The following MACROD2 variants were observed in gnomAD, a reference collection of about 807,000 sequenced individuals.
The protein encoded by MACROD2 is ADP-ribose glycohydrolase MACROD2.
Under a neutral mutation model 70.4 loss-of-function variants are expected in MACROD2, and 36 were observed. That is an observed-to-expected ratio of 0.51 (90% CI 0.39 to 0.68). MACROD2 has a LOEUF of 0.68. Among genes scored for constraint, MACROD2 ranks in the 30% least tolerant of loss-of-function variants. MACROD2 has a pLI of 0.00. For missense variants in MACROD2, 496 were observed against 538.4 expected (o/e 0.92, Z 0.78); for synonymous variants, 172 against 178.8 (o/e 0.96, Z 0.30).
At chr20:15,578,553 C>T (rs370204300) in intron 8 of MACROD2, among the ~76,000 whole-genome samples, 4 of 22,130 alleles carry the variant, frequency 1.8e-4, no homozygotes, top group Non-Finnish European at 9.8e-4. Context: ...TGCCATATGC[C>T]AGAGACTATG....
intron 6 of MACROD2, among the ~76,000 whole-genome samples, chr20:15,307,503 G>A (rs75036735): frequency 0.044 from 6,648 of 152,066 alleles, 160 homozygotes; most frequent in South Asian, 0.099. Context: ...ACACACACAC[G>A]TATGTGTTTG....
chr20:15,147,476 C>A (rs1044075416), intron 5 of MACROD2, among the ~76,000 whole-genome samples: 3 of 150,672 alleles, frequency 2.0e-5, no homozygotes, highest in African/African-American at 7.3e-5. Flanking sequence ...TAATTATAAG[C>A]AAATAGCTAT....
At chr20:14,179,121 C>T (rs2081287292) in intron 3 of MACROD2, among the ~76,000 whole-genome samples, 1 of 152,152 alleles carries the variant, frequency 6.6e-6, no homozygotes, top group Admixed American at 6.5e-5. Flanking sequence ...AGATCATTGA[C>T]TGATATCAGA....
chr20:16,003,622 T>C (rs1568700983), intron 15 of MACROD2, among the ~76,000 whole-genome samples: 1 of 152,192 alleles, frequency 6.6e-6, no homozygotes, highest in Non-Finnish European at 1.5e-5. Context: ...TTCAGTGCCC[T>C]ATCCCTCAAG....
At chr20:15,636,849 A>G (rs965059762) in intron 8 of MACROD2, among the ~76,000 whole-genome samples, 7 of 152,044 alleles carry the variant, frequency 4.6e-5, no homozygotes, top group African/African-American at 1.7e-4. Context: ...GCAGGAGGGG[A>G]TGAGCTGTCA....
chr20:15,977,915 T>G (rs2066332678), intron 13 of MACROD2, among the ~76,000 whole-genome samples: 1 of 152,202 alleles, frequency 6.6e-6, no homozygotes, highest in South Asian at 2.1e-4. Flanking sequence ...TGGTTATGAT[T>G]CTTGAAAGCA....
intron 5 of MACROD2, chr20:14,893,125 ATTC>A (rs1192708043): frequency 2.0e-5 from 3 of 152,240 alleles, no homozygotes; most frequent in East Asian, 1.9e-4. Flanking sequence ...TGTGATAGGA[ATTC>A]TTCTTTTTTA....
chr20:15,649,099 TC>T (rs2049600558), intron 8 of MACROD2, among the ~76,000 whole-genome samples: 1 of 75,034 alleles, frequency 1.3e-5, no homozygotes, highest in Admixed American at 2.1e-4. Context: ...TTCCCTCCCC[TC>T]CCCTCCCCTT....
chr20:14,781,941 T>A (rs1248169178), intron 5 of MACROD2, among the ~76,000 whole-genome samples: 2 of 152,024 alleles, frequency 1.3e-5, no homozygotes, highest in Non-Finnish European at 2.9e-5. Flanking sequence ...TTCCTTTTTT[T>A]TTGAGACAGA....
At chr20:15,573,325 C>G (rs1400096211) in intron 8 of MACROD2, among the ~76,000 whole-genome samples, 1 of 152,034 alleles carries the variant, frequency 6.6e-6, no homozygotes, top group East Asian at 1.9e-4. Context: ...TATTGTTTTG[C>G]TTTTTCCCCT....
intron 4 of MACROD2, among the ~76,000 whole-genome samples, chr20:14,516,078 T>C (rs1431193306): frequency 6.7e-6 from 1 of 149,420 alleles, no homozygotes; most frequent in Non-Finnish European, 1.5e-5. Context: ...CTCAAATAAA[T>C]AAATAAATAA....
chr20:15,030,648 A>G (rs2075267284), intron 5 of MACROD2, among the ~76,000 whole-genome samples: 1 of 148,490 alleles, frequency 6.7e-6, no homozygotes. Context: ...AGCTAAGGAT[A>G]AAATATAGAT....
chr20:15,734,410 A>G (rs1568999104), intron 8 of MACROD2, among the ~76,000 whole-genome samples: 3 of 152,180 alleles, frequency 2.0e-5, no homozygotes. Context: ...GAGGTATGTA[A>G]AGGAACTGAG....
intron 8 of MACROD2, among the ~76,000 whole-genome samples, chr20:15,620,980 A>C (rs1276323380): frequency 6.6e-6 from 1 of 152,116 alleles, no homozygotes; most frequent in African/African-American, 2.4e-5. Flanking sequence ...ACAGAAAAAA[A>C]GTTTTGTGGA....
At position 14,326,166 on chromosome 20, in the gene MACROD2, CG is replaced by C; in HGVS notation, c.272-167310del. On this transcript the variant is annotated intron_variant, in intron 3 of 17. Transcript: ENST00000684519. The surrounding 1 kb of genome is among the most constrained non-coding windows in gnomAD (Gnocchi z 5.5). ...TTGTTTCTGTTATAGATCCAAATGC[CG>C]GGCTATGGCCCAGTTTAAGCCAGCT... is the stretch of plus-strand genomic sequence containing the variant. 1 of 1,613,810 alleles carries C rather than the reference CG, an allele frequency of 6.2e-7. No homozygotes were observed. The highest frequency in any genetic ancestry group is 8.5e-7 in the Non-Finnish European group (1 of 1,179,844).
At position 15,678,933 on chromosome 20, in the gene MACROD2, G is replaced by A. The variant is rs372343087; in HGVS notation, c.645+179086G>A. On this transcript the variant is annotated intron_variant, in intron 8 of 17. Coordinates refer to ENST00000684519, the MANE Select transcript of MACROD2 (RefSeq NM_001351661.2). ...CTTCCAAAGTGAGGTCATTGAATGT[G>A]GAGTTGAAAAGAGATTGCACAGGCT... Among the ~76,000 whole-genome samples the A allele has an allele frequency of 3.3e-4, 50 of 152,286 alleles. No individual in the cohort carries two copies. The South Asian group carries it at 9.9e-3, about 30-fold the overall frequency.
intron 5 of MACROD2, among the ~76,000 whole-genome samples, chr20:14,914,421 A>G (rs2074065619): frequency 6.6e-6 from 1 of 152,190 alleles, no homozygotes; most frequent in African/African-American, 2.4e-5. Context: ...AGAACTCTAG[A>G]TCATAGTGGC....
intron 3 of MACROD2, among the ~76,000 whole-genome samples, chr20:14,126,809 G>T (rs2054656737): frequency 6.6e-6 from 1 of 152,104 alleles, no homozygotes; most frequent in South Asian, 2.1e-4. Flanking sequence ...CGCACCCATA[G>T]AAGACAGTGA....
intron 3 of MACROD2, among the ~76,000 whole-genome samples, chr20:14,183,254 C>T (rs1272007286): frequency 1.3e-5 from 2 of 151,730 alleles, no homozygotes; most frequent in East Asian, 3.9e-4. Context: ...TCATTTAGCT[C>T]TCACTTATAA....
Sources: allele counts gnomAD v4.1 joint callset (sites outside exome capture counted in the v4.1 genomes callset), GRCh38; gene constraint gnomAD v4.1.1; non-coding constraint Gnocchi (gnomAD v3.1); transcripts MANE v1.5; gene names NCBI Gene and HGNC (gene_info 2026-07-23, HGNC 2026-07-21).